The following SCGB2B2 variants were observed in gnomAD, a reference collection of about 807,000 sequenced individuals.
The protein encoded by SCGB2B2 is secretoglobin-like protein.
SCGB2B2 carries 11 observed loss-of-function variants against 7.6 expected under a neutral mutation model. The ratio of observed to expected loss-of-function variants is 1.45; its 90% CI spans 0.91 to 2.40. SCGB2B2 has a LOEUF of 2.40. Ranked by LOEUF, SCGB2B2 falls within the 30% of genes most tolerant of loss-of-function variation. The pLI is 0.00. For missense variants in SCGB2B2, 104 were observed against 115.4 expected, an observed-to-expected ratio of 0.90 and a Z score of 0.45; for synonymous variants, 50 against 48.6, an observed-to-expected ratio of 1.03 and a Z score of -0.12.
At chr19:34,655,918 C>A (rs781561477) in intron 1 of SCGB2B2, among the ~76,000 whole-genome samples, 3 of 151,140 alleles carry the variant, frequency 2.0e-5, no homozygotes, top group Non-Finnish European at 2.9e-5. Context: ...AACCAAAGGG[C>A]AACATTGCCC....
chr19:34,602,376 C>T (rs1225925528), intron 1 of SCGB2B2, among the ~76,000 whole-genome samples: 2 of 152,012 alleles, frequency 1.3e-5, no homozygotes, highest in African/African-American at 4.8e-5. Context: ...TGTCTATGTC[C>T]TTGAGTGGTT....
intron 1 of SCGB2B2, among the ~76,000 whole-genome samples, chr19:34,653,165 G>C (rs1024016901): frequency 6.6e-6 from 1 of 151,240 alleles, no homozygotes; most frequent in African/African-American, 2.5e-5. Flanking sequence ...TGCTCTCATA[G>C]AAGAAGAGTG....
chr19:34,607,316 T>C (rs2145817993), intron 1 of SCGB2B2, among the ~76,000 whole-genome samples: 1 of 152,256 alleles, frequency 6.6e-6, no homozygotes, highest in East Asian at 1.9e-4. Flanking sequence ...TAGATAGCTT[T>C]TGTGTGTGTG....
intron 1 of SCGB2B2, among the ~76,000 whole-genome samples, chr19:34,637,169 G>C (rs2066706080): frequency 6.6e-6 from 1 of 152,256 alleles, no homozygotes; most frequent in Middle Eastern, 3.4e-3. Flanking sequence ...GGGCAGAGAG[G>C]TACAATGATT....
At chr19:34,610,304 T>G (rs2065892248) in intron 1 of SCGB2B2, among the ~76,000 whole-genome samples, 2 of 152,142 alleles carry the variant, frequency 1.3e-5, no homozygotes, top group African/African-American at 4.8e-5. Context: ...CTTTATTTCA[T>G]TCTCTTGCCT....
chr19:34,629,708 G>A (rs1304900015), intron 1 of SCGB2B2, among the ~76,000 whole-genome samples: 3 of 152,002 alleles, frequency 2.0e-5, no homozygotes, highest in Non-Finnish European at 4.4e-5. Context: ...GTAATTTATA[G>A]ATTCAATGCC....
chr19:34,587,786 T>A (rs2065214354), downstream of SCGB2B2, among the ~76,000 whole-genome samples: 1 of 152,216 alleles, frequency 6.6e-6, no homozygotes, highest in Non-Finnish European at 1.5e-5. Context: ...TATCGAGATG[T>A]TCATATGGTT....
chr19:34,609,784 AG>A (rs2065879908), intron 1 of SCGB2B2, among the ~76,000 whole-genome samples: 1 of 152,034 alleles, frequency 6.6e-6, no homozygotes, highest in Admixed American at 6.5e-5. Context: ...CATTTTTCTC[AG>A]GGTTGCTTTG....
chr19:34,671,790 T>TA (rs1243076346), intron 1 of SCGB2B2, among the ~76,000 whole-genome samples: 1 of 152,190 alleles, frequency 6.6e-6, no homozygotes, highest in Non-Finnish European at 1.5e-5. Context: ...ATAATTTTTT[T>TA]AAAAAATTAT....
rs374789679 is a variant in SCGB2B2 at position 34,649,372 on chromosome 19, G to A, written c.-2032+26258C>T. ...TTCCACTCACAGATTTGAGGCTCTGGGTTCTGGGTTTGGAGTTTCAGTGTT... is the reference window on the plus strand; with the variant it reads ...TTCCACTCACAGATTTGAGGCTCTGAGTTCTGGGTTTGGAGTTTCAGTGTT... On this transcript the variant is annotated intron_variant, in intron 1 of 3. Coordinates refer to ENST00000601241, the MANE Select transcript of SCGB2B2 (RefSeq NM_001025591.4). Among the ~76,000 whole-genome samples the A allele has an allele frequency of 2.3e-3, 346 of 152,246 alleles. 2 individuals are homozygous for A. Among genetic ancestry groups the A allele is most frequent in the African/African-American group, 8.0e-3 (331 of 41,538 alleles).
rs1376856624 is a variant in SCGB2B2 at position 34,594,301 on chromosome 19, T to C, written c.120A>G (p.Gln40=). The C allele has an allele frequency of 5.6e-6, 9 of 1,614,032 alleles. No homozygotes were observed. The East Asian group carries it at 2.0e-4, about 36-fold the overall frequency. Reference sequence around the variant, plus strand: ...GAGCAAGCTCCTCCTTCAGGAGGTCTTGGGACACATCAAACACAACATTCG... The same window carrying C: ...GAGCAAGCTCCTCCTTCAGGAGGTCCTGGGACACATCAAACACAACATTCG... ...LLANVVFDVS[Q]DLLKEELARY... The change falls in exon 3 of 4, where the codon CAA becomes CAG. Residue 40 remains glutamine, a synonymous_variant. Coordinates refer to ENST00000601241, the MANE Select transcript of SCGB2B2 (RefSeq NM_001025591.4).
At chr19:34,616,761 A>G (rs1360022009) in intron 1 of SCGB2B2, among the ~76,000 whole-genome samples, 13 of 151,126 alleles carry the variant, frequency 8.6e-5, no homozygotes, top group Non-Finnish European at 1.6e-4. Flanking sequence ...GTCCTTGCCC[A>G]TGCCTATGTC....
chr19:34,649,677 C>T (rs998903205), intron 1 of SCGB2B2, among the ~76,000 whole-genome samples: 83 of 152,046 alleles, frequency 5.5e-4, no homozygotes, highest in African/African-American at 1.9e-3. Flanking sequence ...GGTGAAACCC[C>T]GTCTCCACTA....
chr19:34,608,644 G>T, intron 1 of SCGB2B2: 1 of 74,580 alleles, frequency 1.3e-5, no homozygotes, highest in African/African-American at 6.7e-5. Flanking sequence ...AATTTTTTAT[G>T]GCTAGTGTCT....
intron 1 of SCGB2B2, among the ~76,000 whole-genome samples, chr19:34,636,308 A>G (rs2066676826): frequency 6.6e-6 from 1 of 152,206 alleles, no homozygotes. Flanking sequence ...TACAGGTGAC[A>G]AAGAGTCTAC....
chr19:34,652,835 T>A (rs1463703674), intron 1 of SCGB2B2, among the ~76,000 whole-genome samples: 1 of 151,320 alleles, frequency 6.6e-6, no homozygotes, highest in Middle Eastern at 3.2e-3. Flanking sequence ...TACCATATGA[T>A]CAAGAATCCC....
At chr19:34,617,177 TG>T (rs1300531841) in intron 1 of SCGB2B2, among the ~76,000 whole-genome samples, 2 of 152,206 alleles carry the variant, frequency 1.3e-5, no homozygotes, top group South Asian at 2.1e-4. Flanking sequence ...GGCTCTTTTT[TG>T]CTTCCATATG....
At chr19:34,637,491 T>C (rs561453900) in intron 1 of SCGB2B2, among the ~76,000 whole-genome samples, 1 of 152,186 alleles carries the variant, frequency 6.6e-6, no homozygotes, top group South Asian at 2.1e-4. Context: ...AGGCCACAAG[T>C]GCAAAGTTCT....
chr19:34,608,688 G>GTAT (rs1255835791), intron 1 of SCGB2B2: 1 of 38,954 alleles, frequency 2.6e-5, no homozygotes, highest in African/African-American at 1.5e-4. Context: ...TATATATACC[G>GTAT]TATTTTCTTC....
Sources: gnomAD v4.1 joint callset for allele counts (sites outside exome capture counted in the v4.1 genomes callset) on GRCh38, gnomAD v4.1.1 for gene constraint, MANE v1.5 for transcripts, NCBI Gene and HGNC (gene_info 2026-07-23, HGNC 2026-07-21) for gene names.